RGMA: variants seen among roughly 807,000 people sequenced by gnomAD.
The protein encoded by RGMA is repulsive guidance molecule BMP co-receptor a, also known as repulsive guidance molecule A.
In RGMA, 10 loss-of-function variants were observed where a neutral mutation model predicts 23.2. The ratio of observed to expected loss-of-function variants is 0.43; its 90% CI spans 0.27 to 0.73. The LOEUF (loss-of-function observed/expected upper bound fraction) is 0.73. RGMA is among the 30% of genes least tolerant of loss of function. The probability of loss-of-function intolerance (pLI) is 0.20; values close to 1 mark genes in which losing one functional copy is unlikely to be tolerated. For synonymous variants in RGMA, 308 were observed against 279.3 expected (o/e 1.10, Z -1.03); for missense variants, 547 against 630.5 (o/e 0.87, Z 1.42).
At chr15:93,054,102 C>T (rs1294015530) in intron 2 of RGMA, among the ~76,000 whole-genome samples, 1 of 151,946 alleles carries the variant, frequency 6.6e-6, no homozygotes, top group East Asian at 1.9e-4. Context: ...TGGTGGTGCG[C>T]ACCTGTAATC....
intron 2 of RGMA, chr15:93,066,145 G>A (rs754236954): frequency 3.0e-6 from 4 of 1,355,854 alleles, no homozygotes; most frequent in Middle Eastern, 2.0e-4. Context: ...CACCTCCCCG[G>A]GCCCAGTTAC....
At chr15:93,047,223 G>A (rs535535046) in intron 3 of RGMA, among the ~76,000 whole-genome samples, 2 of 152,256 alleles carry the variant, frequency 1.3e-5, no homozygotes, top group African/African-American at 4.8e-5. Flanking sequence ...CCGCGTCCTG[G>A]GTGGCGTCTG....
intron 1 of RGMA, among the ~76,000 whole-genome samples, chr15:93,085,799 G>A (rs1175456441): frequency 1.3e-5 from 2 of 152,240 alleles, no homozygotes; most frequent in East Asian, 1.9e-4. Context: ...CTGACCCCTG[G>A]GTTCTAACAT....
At chr15:93,058,755 T>C (rs1442307931) in intron 2 of RGMA, among the ~76,000 whole-genome samples, 1 of 147,090 alleles carries the variant, frequency 6.8e-6, no homozygotes, top group Non-Finnish European at 1.5e-5. Context: ...CTCCTCTTCC[T>C]TCACACCTCT....
chr15:93,063,084 T>G (rs1362971367), intron 2 of RGMA: 2 of 152,052 alleles, frequency 1.3e-5, no homozygotes, highest in African/African-American at 4.8e-5. Flanking sequence ...TAGGAAGCAG[T>G]GTAACTGAAG....
At chr15:93,086,267 G>A (rs952351345) in intron 1 of RGMA, among the ~76,000 whole-genome samples, 5 of 152,184 alleles carry the variant, frequency 3.3e-5, no homozygotes, top group Admixed American at 6.5e-5. Context: ...TACCTGTAAG[G>A]AGTAGTGTCA....
chr15:93,048,305 G>A (rs1175367724), intron 3 of RGMA, among the ~76,000 whole-genome samples: 5 of 152,182 alleles, frequency 3.3e-5, no homozygotes, highest in Non-Finnish European at 5.9e-5. Context: ...TCTGAAGAAG[G>A]AAAATGTGTT....
intron 1 of RGMA, chr15:93,073,580 C>A: frequency 6.5e-7 from 1 of 1,534,022 alleles, no homozygotes; most frequent in Non-Finnish European, 8.7e-7. Context: ...ACCAGACTGC[C>A]GACCCCAAGC....
At chr15:93,075,280 G>GTT (rs950360121) in intron 1 of RGMA, among the ~76,000 whole-genome samples, 2 of 151,466 alleles carry the variant, frequency 1.3e-5, no homozygotes, top group African/African-American at 2.4e-5. Flanking sequence ...ACATACAGTA[G>GTT]TTTTTTTTTC....
Position 93,045,719 on chromosome 15 carries a change from G to A in RGMA, c.646-14C>T, listed in dbSNP as rs1567178342. The A allele has an allele frequency of 4.4e-6, 7 of 1,588,462 alleles. No individual in the cohort carries two copies. The highest frequency in any genetic ancestry group is 6.0e-6 in the Non-Finnish European group (7 of 1,169,408). ...GATGATGGTGAGCTGCCGGGGAAAGGGGCAGAGGAGAGTGGGTGAGGCACA... is the reference window on the plus strand; with the variant it reads ...GATGATGGTGAGCTGCCGGGGAAAGAGGCAGAGGAGAGTGGGTGAGGCACA... On this transcript the variant is annotated splice_polypyrimidine_tract_variant and intron_variant, in intron 3 of 3. Transcript: ENST00000329082. The surrounding 1 kb of genome is among the most constrained non-coding windows in gnomAD (Gnocchi z 6.9).
chr15:93,055,378 C>G (rs2054996840), intron 2 of RGMA, among the ~76,000 whole-genome samples: 1 of 152,206 alleles, frequency 6.6e-6, no homozygotes, highest in Non-Finnish European at 1.5e-5. Context: ...TCCCAGCTGG[C>G]TGGCTCCGTC....
chr15:93,050,396 TGACTTGGCCACA>T (rs1217061077), intron 3 of RGMA, among the ~76,000 whole-genome samples: 1 of 152,188 alleles, frequency 6.6e-6, no homozygotes, highest in Non-Finnish European at 1.5e-5. Context: ...GTTCTGAGAC[TGACTTGGCCACA>T]GACACTGACG....
intron 2 of RGMA, among the ~76,000 whole-genome samples, chr15:93,064,404 G>A (rs963057664): frequency 1.3e-5 from 2 of 152,232 alleles, no homozygotes; most frequent in African/African-American, 2.4e-5. Flanking sequence ...TAGGGCTGGC[G>A]CTGCCTCTAG....
chr15:93,037,210 A>G lies in RGMA; in HGVS notation c.*7788T>C, dbSNP rs963305605. 7 of 152,256 alleles carry G rather than the reference A, an allele frequency of 4.6e-5. No homozygotes were observed. The highest frequency in any genetic ancestry group is 7.3e-5 in the Non-Finnish European group (5 of 68,058). 9.4% of individuals were successfully genotyped at this position (152,256 alleles called of 1,614,324 possible). On this transcript the variant is annotated 3_prime_UTR_variant, in exon 4 of 4. Coordinates refer to ENST00000329082, the MANE Select transcript of RGMA (RefSeq NM_020211.3). The surrounding 1 kb of genome is among the most constrained non-coding windows in gnomAD (Gnocchi z 4.3). ...ACCGCCACGTGAGGGAGGTGGCGTCATTGTTCCCTCACAGCTGAGATAGCT... is the reference window on the plus strand; with the variant it reads ...ACCGCCACGTGAGGGAGGTGGCGTCGTTGTTCCCTCACAGCTGAGATAGCT...
At chr15:93,050,884 C>A (rs145628698) in intron 3 of RGMA, among the ~76,000 whole-genome samples, 3 of 151,992 alleles carry the variant, frequency 2.0e-5, no homozygotes, top group Non-Finnish European at 4.4e-5. Context: ...AGGCTCCTGG[C>A]GTCCGTCTGT....
At chr15:93,086,639 G>A (rs1895638778) in intron 1 of RGMA, among the ~76,000 whole-genome samples, 1 of 152,136 alleles carries the variant, frequency 6.6e-6, no homozygotes, top group Non-Finnish European at 1.5e-5. Context: ...TGCTTCCTGG[G>A]AGCAGCAAGC....
At chr15:93,079,194 A>G (rs1895519452) in intron 1 of RGMA, among the ~76,000 whole-genome samples, 1 of 152,234 alleles carries the variant, frequency 6.6e-6, no homozygotes, top group Admixed American at 6.5e-5. Context: ...CCAGAAAAGT[A>G]CCTGTTTATC....
At chr15:93,068,630 C>T (rs1000493636) in intron 2 of RGMA, among the ~76,000 whole-genome samples, 2 of 152,198 alleles carry the variant, frequency 1.3e-5, no homozygotes, top group Non-Finnish European at 2.9e-5. Context: ...GTTTTATGTG[C>T]GTGCTCTCCC....
Position 93,062,282 on chromosome 15 carries a change from C to T in RGMA, c.131-9775G>A, listed in dbSNP as rs1375932516. ...TGGAACAAACCCCAGTTAATCTCTG[C>T]GCTCAGGTATGGTCAATCACATAAA... On this transcript the variant is annotated intron_variant, in intron 2 of 3. Coordinates refer to ENST00000329082, the MANE Select transcript of RGMA (RefSeq NM_020211.3). Among the ~76,000 whole-genome samples, 19 of 152,336 alleles carry T rather than the reference C, an allele frequency of 1.2e-4. No individual in the cohort carries two copies. In the East Asian group the frequency reaches 3.1e-3, roughly 25 times the overall value.
Sources: allele counts gnomAD v4.1 joint callset (sites outside exome capture counted in the v4.1 genomes callset), GRCh38; gene constraint gnomAD v4.1.1; non-coding constraint Gnocchi (gnomAD v3.1); transcripts MANE v1.5; gene names NCBI Gene and HGNC (gene_info 2026-07-23, HGNC 2026-07-21).